Variants in LRRC7 observed in about 807,000 individuals in gnomAD.
The protein encoded by LRRC7 is leucine-rich repeat-containing protein 7.
In LRRC7, 23 loss-of-function variants were observed where a neutral mutation model predicts 175.7. The observed-to-expected ratio is 0.13, with a 90% CI of 0.09 to 0.19. LRRC7 has a LOEUF of 0.19. Among genes scored for constraint, LRRC7 ranks in the 10% least tolerant of loss-of-function variants. The pLI is 1.00. For missense variants in LRRC7, 1,354 were observed against 1,904.7 expected, an observed-to-expected ratio of 0.71 and a Z score of 5.38; for synonymous variants, 685 against 680.9, an observed-to-expected ratio of 1.01 and a Z score of -0.09.
At chr1:69,651,293 GA>G (rs11332234) in intron 1 of LRRC7, among the ~76,000 whole-genome samples, 15,923 of 151,252 alleles carry the variant, frequency 0.11, 1,012 homozygotes, top group African/African-American at 0.18. Flanking sequence ...GTACTGATTA[GA>G]AAAAAAAAGT....
At chr1:69,790,444 G>T (rs2101056024) in intron 3 of LRRC7, among the ~76,000 whole-genome samples, 1 of 152,072 alleles carries the variant, frequency 6.6e-6, no homozygotes, top group African/African-American at 2.4e-5. Context: ...ATTTAGTTGG[G>T]ATGATGAGAA....
rs765207825 is a variant in LRRC7, at chr1:70,035,625, C to CAAAA, written c.1996-477_1996-474dup. 1.0e-2 allele frequency among the ~76,000 whole-genome samples: 704 copies of CAAAA among 70,478 alleles called. 22 individuals carry two copies. Among genetic ancestry groups the CAAAA allele is most frequent in the African/African-American group, 0.024 (516 of 21,388 alleles). The allele number at this position is 70,478 out of a possible 152,430, so 46.2% of individuals were successfully genotyped here. A position where few individuals can be genotyped will look rare whatever the true frequency, so the allele number is the denominator to read the frequency against. ...GTGAAGTAATGTAGCTAGGGATGCA[C>CAAAA]AAAAAAAAAAAAAAAAAAAAAATCT... On this transcript the variant is annotated intron_variant, in intron 18 of 26. Coordinates refer to ENST00000651989, the MANE Select transcript of LRRC7 (RefSeq NM_001370785.2).
intron 2 of LRRC7, among the ~76,000 whole-genome samples, chr1:69,687,096 T>C (rs1205688421): frequency 1.3e-5 from 2 of 152,206 alleles, no homozygotes; most frequent in African/African-American, 4.8e-5. Flanking sequence ...TTAAATTTTG[T>C]TTCATTAGCT....
rs538569537 is a variant in LRRC7, at chr1:70,087,011, A to G, written c.4453-2716A>G. 2.6e-5 allele frequency among the ~76,000 whole-genome samples: 4 copies of G among 152,320 alleles called. No homozygotes were observed. In the East Asian group the frequency reaches 7.7e-4, roughly 29 times the overall value. ...AGACCCAGTAGTCACAATACAACCTATTAGCCATACCTTGGCATGCCCAAG... is the reference window on the plus strand; with the variant it reads ...AGACCCAGTAGTCACAATACAACCTGTTAGCCATACCTTGGCATGCCCAAG... On this transcript the variant is annotated intron_variant, in intron 24 of 26. Coordinates refer to ENST00000651989, the MANE Select transcript of LRRC7 (RefSeq NM_001370785.2).
At chr1:69,915,880 G>T (rs929239520) in intron 7 of LRRC7, among the ~76,000 whole-genome samples, 2 of 149,868 alleles carry the variant, frequency 1.3e-5, no homozygotes, top group Middle Eastern at 3.2e-3. Flanking sequence ...TATAACATAG[G>T]GATTCTTATT....
intron 1 of LRRC7, among the ~76,000 whole-genome samples, chr1:69,627,194 T>G (rs532764543): frequency 2.1e-4 from 32 of 152,290 alleles, no homozygotes; most frequent in African/African-American, 7.2e-4. Context: ...CCAGCAACAG[T>G]GTAAAAGTGT....
At chr1:70,110,487 A>G (rs1665453915) in intron 26 of LRRC7, among the ~76,000 whole-genome samples, 1 of 152,218 alleles carries the variant, frequency 6.6e-6, no homozygotes, top group Admixed American at 6.6e-5. Flanking sequence ...CGTGAGGGTT[A>G]TGAGGGTTCA....
intron 2 of LRRC7, among the ~76,000 whole-genome samples, chr1:69,758,257 T>C (rs1670651823): frequency 6.6e-6 from 1 of 151,968 alleles, no homozygotes; most frequent in African/African-American, 2.4e-5. Flanking sequence ...TTCCCAGAAA[T>C]GAAAAGAACA....
At chr1:69,947,889 T>TA (rs935859021) in intron 8 of LRRC7, among the ~76,000 whole-genome samples, 13 of 152,054 alleles carry the variant, frequency 8.5e-5, no homozygotes, top group South Asian at 4.2e-4. Context: ...CAATATACTG[T>TA]AAAAAAAAGT....
Position 70,128,496 on chromosome 1 carries a change from G to A in LRRC7, c.*6609G>A, listed in dbSNP as rs1466898733. ...TCCAGAGTAAAGTATCTTAGTACAG[G>A]GAACTTTATTTTCATAGCAAACTCT... On this transcript the variant is annotated 3_prime_UTR_variant, in exon 27 of 27. Coordinates refer to ENST00000651989, the MANE Select transcript of LRRC7 (RefSeq NM_001370785.2). 1 of 152,050 alleles carries A rather than the reference G, an allele frequency of 6.6e-6. No individual in the cohort carries two copies. Among genetic ancestry groups the A allele is most frequent in the East Asian group, 1.9e-4 (1 of 5,196 alleles). The allele number at this position is 152,050 out of a possible 1,614,324, so 9.4% of individuals were successfully genotyped here. A position where few individuals can be genotyped will look rare whatever the true frequency, so the allele number is the denominator to read the frequency against.
At chr1:69,943,587 C>T (rs1169120622) in intron 8 of LRRC7, among the ~76,000 whole-genome samples, 1 of 152,024 alleles carries the variant, frequency 6.6e-6, no homozygotes, top group Non-Finnish European at 1.5e-5. Flanking sequence ...AATTTTATGA[C>T]ATATGAGTTA....
At chr1:70,096,671 T>C (rs1489855718) in intron 25 of LRRC7, among the ~76,000 whole-genome samples, 1 of 152,086 alleles carries the variant, frequency 6.6e-6, no homozygotes, top group Non-Finnish European at 1.5e-5. Flanking sequence ...ACTAACTTAA[T>C]GGAGTACCTA....
Position 70,038,769 on chromosome 1 carries a change from T to A in LRRC7, c.2945T>A (p.Phe982Tyr). 1 of 1,613,628 alleles carries A rather than the reference T, an allele frequency of 6.2e-7. No individual in the cohort carries two copies. ...PLMKDIKSNKFKKSQSIDEID... is the reference protein window; with the variant it reads ...PLMKDIKSNKYKKSQSIDEID... ...ATGAAAGATATCAAGTCTAATAAAT[T>A]CAAAAAGTCACAGAGTATCGATGAG... The change falls in exon 21 of 27, where the codon TTC (phenylalanine) becomes TAC (tyrosine). Residue 982 changes from phenylalanine to tyrosine, a missense_variant. Physicochemically the swap from Phe to Tyr is conservative, Grantham distance 22 (BLOSUM62 3). Coordinates refer to ENST00000651989, the MANE Select transcript of LRRC7 (RefSeq NM_001370785.2).
In LRRC7 at chr1:69,884,209, A is replaced by G. The variant is rs1232811069; in HGVS notation, c.647+45926A>G. ...GAATCTGTAAATTACCTTGGGCAGT[A>G]TGGCCATTTTCACGATATTGATTCT... On this transcript the variant is annotated intron_variant, in intron 7 of 26. Transcript: ENST00000651989. Among the ~76,000 whole-genome samples, 4 of 81,200 alleles carry G rather than the reference A, an allele frequency of 4.9e-5. 1 individual carries two copies. Among genetic ancestry groups the G allele is most frequent in the African/African-American group, 1.9e-4 (4 of 20,646 alleles). The allele number at this position is 81,200 out of a possible 152,430, so 53.3% of individuals were successfully genotyped here.
At chr1:69,978,585 A>G (rs1653077159) in intron 8 of LRRC7, among the ~76,000 whole-genome samples, 1 of 152,172 alleles carries the variant, frequency 6.6e-6, no homozygotes, top group Non-Finnish European at 1.5e-5. Flanking sequence ...TTCATTTCAC[A>G]GCAGAATGCC....
intron 7 of LRRC7, among the ~76,000 whole-genome samples, chr1:69,913,485 A>C (rs1462717447): frequency 6.6e-6 from 1 of 152,162 alleles, no homozygotes. Context: ...ACATATTCTC[A>C]TAATGAGGTG....
chr1:69,874,155 A>G (rs1685827766), intron 7 of LRRC7: 1 of 152,168 alleles, frequency 6.6e-6, no homozygotes, highest in Non-Finnish European at 1.5e-5. Context: ...AATGTGGAAC[A>G]GTTATTTTGT....
chr1:69,935,078 T>C (rs1647859140), intron 8 of LRRC7, among the ~76,000 whole-genome samples: 1 of 151,928 alleles, frequency 6.6e-6, no homozygotes, highest in African/African-American at 2.4e-5. Context: ...TGGTTTAGAG[T>C]TCGGGAATTC....
chr1:70,064,677 T>G (rs1661836957), intron 23 of LRRC7, among the ~76,000 whole-genome samples: 2 of 151,748 alleles, frequency 1.3e-5, no homozygotes, highest in African/African-American at 4.8e-5. Flanking sequence ...TTGTTACATT[T>G]TCAAAAGAGA....
Sources: allele counts gnomAD v4.1 joint callset (sites outside exome capture counted in the v4.1 genomes callset), GRCh38; gene constraint gnomAD v4.1.1; transcripts MANE v1.5; gene names NCBI Gene and HGNC (gene_info 2026-07-23, HGNC 2026-07-21).